The following ARK2N variants were observed in gnomAD, a reference collection of about 807,000 sequenced individuals.
ARK2N encodes the protein protein ARK2N.
chr18:46,203,165 A>G, the ARK2N span, among the ~76,000 whole-genome samples: 27 of 152,234 alleles, frequency 1.8e-4, no homozygotes, highest in Non-Finnish European at 3.4e-4. Context: ...AACATGTGCA[A>G]ACGTGCACAA....
At chr18:46,205,166 C>G in the ARK2N span, among the ~76,000 whole-genome samples, 4 of 152,052 alleles carry the variant, frequency 2.6e-5, no homozygotes, top group Admixed American at 2.0e-4. Flanking sequence ...CCTCGGCCCC[C>G]CAAAGTGCTA....
chr18:46,236,627 C>A, the ARK2N span, among the ~76,000 whole-genome samples: 1 of 152,170 alleles, frequency 6.6e-6, no homozygotes, highest in African/African-American at 2.4e-5. Context: ...CTGTTAATGA[C>A]TGAATCTTAA....
chr18:46,242,757 G>A, the ARK2N span, among the ~76,000 whole-genome samples: 167 of 152,206 alleles, frequency 1.1e-3, no homozygotes, highest in East Asian at 0.017. Context: ...CATTTTATGA[G>A]TTTTGTTGTT....
the ARK2N span, among the ~76,000 whole-genome samples, chr18:46,203,645 TG>T: frequency 6.6e-6 from 1 of 152,218 alleles, no homozygotes; most frequent in African/African-American, 2.4e-5. Context: ...TTGTCCAGGC[TG>T]GAGTGCAAGG....
chr18:46,189,596 C>G, the ARK2N span, among the ~76,000 whole-genome samples: 2 of 152,094 alleles, frequency 1.3e-5, no homozygotes, highest in African/African-American at 4.8e-5. Flanking sequence ...CAGATAAAAC[C>G]TTATCTTTGG....
the ARK2N span, among the ~76,000 whole-genome samples, chr18:46,213,784 C>T: frequency 2.0e-5 from 3 of 152,280 alleles, no homozygotes; most frequent in East Asian, 5.8e-4. Context: ...GCAACCTCCG[C>T]CTCCCAGGTT....
At chr18:46,211,760 T>C in the ARK2N span, among the ~76,000 whole-genome samples, 1 of 152,186 alleles carries the variant, frequency 6.6e-6, no homozygotes, top group African/African-American at 2.4e-5. Flanking sequence ...GGGAAAGTGC[T>C]GTTCTAATAG....
chr18:46,220,769 A>G, the ARK2N span, among the ~76,000 whole-genome samples: 1 of 152,174 alleles, frequency 6.6e-6, no homozygotes, highest in South Asian at 2.1e-4. Flanking sequence ...TTTTGCTGTT[A>G]TACGTTCAGG....
the ARK2N span, among the ~76,000 whole-genome samples, chr18:46,223,296 G>A: frequency 1.3e-5 from 2 of 152,038 alleles, no homozygotes; most frequent in South Asian, 4.1e-4. Flanking sequence ...GGGAGTTTTC[G>A]TATAAACAAA....
At chr18:46,233,824 A>G in the ARK2N span, among the ~76,000 whole-genome samples, 5 of 152,230 alleles carry the variant, frequency 3.3e-5, no homozygotes, top group Admixed American at 1.3e-4. Flanking sequence ...TGGAAAAAGT[A>G]CAAAATACAT....
At chr18:46,259,776 G>C in the ARK2N span, among the ~76,000 whole-genome samples, 5 of 128,504 alleles carry the variant, frequency 3.9e-5, no homozygotes, top group Admixed American at 2.3e-4. Context: ...CAGCTACTGT[G>C]TGTGTGTGTG....
chr18:46,203,652 C>T, the ARK2N span, among the ~76,000 whole-genome samples: 1 of 152,044 alleles, frequency 6.6e-6, no homozygotes, highest in African/African-American at 2.4e-5. Context: ...GGCTGGAGTG[C>T]AAGGACACGA....
the ARK2N span, among the ~76,000 whole-genome samples, chr18:46,175,726 C>T: frequency 2.0e-5 from 3 of 152,200 alleles, no homozygotes; most frequent in African/African-American, 4.8e-5. Flanking sequence ...TGGTCTTGAC[C>T]TCCTGACCTC....
the ARK2N span, among the ~76,000 whole-genome samples, chr18:46,239,102 G>T: frequency 6.6e-6 from 1 of 152,038 alleles, no homozygotes; most frequent in Admixed American, 6.5e-5. Context: ...CTTAAAAAAG[G>T]GGTAGAATTA....
chr18:46,187,499 G>A, the ARK2N span, among the ~76,000 whole-genome samples: 9 of 151,836 alleles, frequency 5.9e-5, no homozygotes, highest in Non-Finnish European at 1.0e-4. Context: ...ACGCCGCCAC[G>A]CCTGGCTACT....
chr18:46,244,121 CTT>C, the ARK2N span, among the ~76,000 whole-genome samples: 2 of 152,176 alleles, frequency 1.3e-5, no homozygotes, highest in Admixed American at 6.5e-5. Context: ...CTGGGAATCT[CTT>C]TTTAATAATA....
chr18:46,241,675 A>G, the ARK2N span, among the ~76,000 whole-genome samples: 1 of 151,998 alleles, frequency 6.6e-6, no homozygotes, highest in Non-Finnish European at 1.5e-5. Context: ...CAGTGAGCTA[A>G]GATTGTGCCA....
chr18:46,209,403 G>C, the ARK2N span, among the ~76,000 whole-genome samples: 2 of 150,426 alleles, frequency 1.3e-5, no homozygotes, highest in East Asian at 2.0e-4. Context: ...TTCTCTTCCA[G>C]ATTTTCACAA....
At chr18:46,211,163 A>G in the ARK2N span, among the ~76,000 whole-genome samples, 126 of 152,296 alleles carry the variant, frequency 8.3e-4, no homozygotes, top group African/African-American at 2.9e-3. Context: ...AGAGATAGTG[A>G]GGTCATTAAT....
Sources: allele counts gnomAD v4.1 joint callset (sites outside exome capture counted in the v4.1 genomes callset), GRCh38; gene constraint gnomAD v4.1.1; transcripts MANE v1.5; gene names NCBI Gene and HGNC (gene_info 2026-07-23, HGNC 2026-07-21).